The following TVP23A variants were observed in gnomAD, a reference collection of about 807,000 sequenced individuals.
TVP23A encodes Golgi apparatus membrane protein TVP23 homolog A.
In TVP23A, 21 loss-of-function variants were observed where a neutral mutation model predicts 31.7. The ratio of observed to expected loss-of-function variants is 0.66; its 90% CI spans 0.47 to 0.95. TVP23A has a LOEUF of 0.95. Among genes scored for constraint, TVP23A ranks in the 40% least tolerant of loss-of-function variants. The pLI is 0.00. For missense variants in TVP23A, 279 were observed against 255.6 expected (o/e 1.09, Z -0.62); for synonymous variants, 104 against 96.0 (o/e 1.08, Z -0.49).
At chr16:10,764,963 G>A, downstream of TVP23A, 1 of 175,536 alleles carries the variant, frequency 5.7e-6, no homozygotes, top group Non-Finnish European at 1.2e-5. Flanking sequence ...GCTGGGCACA[G>A]CCACCAGGGC....
At chr16:10,799,534 ATGT>A (rs2033588758) in intron 2 of TVP23A, among the ~76,000 whole-genome samples, 1 of 152,198 alleles carries the variant, frequency 6.6e-6, no homozygotes, top group African/African-American at 2.4e-5. Context: ...GGGTTTGGCC[ATGT>A]TGGTCAGGCT....
intron 2 of TVP23A, among the ~76,000 whole-genome samples, chr16:10,778,318 A>G (rs116530047): frequency 0.11 from 10,833 of 96,440 alleles, 886 homozygotes; most frequent in African/African-American, 0.29. Flanking sequence ...TGGGCAACAG[A>G]GCAAATCGCT....
intron 5 of TVP23A, among the ~76,000 whole-genome samples, chr16:10,773,063 G>A (rs530617688): frequency 3.3e-5 from 5 of 152,130 alleles, no homozygotes; most frequent in Middle Eastern, 6.8e-3. Flanking sequence ...GGCTGGTCTC[G>A]AACTCCTGAG....
chr16:10,787,973 A>G (rs964339034), intron 2 of TVP23A, among the ~76,000 whole-genome samples: 1 of 152,190 alleles, frequency 6.6e-6, no homozygotes, highest in African/African-American at 2.4e-5. Flanking sequence ...ATTAATCCTG[A>G]GCCAAATATG....
chr16:10,780,663 C>A (rs1008409647), intron 2 of TVP23A, among the ~76,000 whole-genome samples: 3 of 152,128 alleles, frequency 2.0e-5, no homozygotes, highest in Non-Finnish European at 2.9e-5. Flanking sequence ...GTGATCCCTC[C>A]ATCTCCTCTT....
intron 5 of TVP23A, among the ~76,000 whole-genome samples, chr16:10,772,432 C>T (rs1376742233): frequency 6.6e-6 from 1 of 152,220 alleles, no homozygotes; most frequent in Admixed American, 6.5e-5. Context: ...TGCTGTGGCA[C>T]GATCTTGGCT....
In TVP23A at chr16:10,818,049, T is replaced by C. The variant is rs565380260; in HGVS notation, c.89+54A>G. On this transcript the variant is annotated intron_variant, in intron 2 of 7. Transcript: ENST00000299866. This position sits in a 1 kb window ranked among gnomAD's most constrained non-coding sequence, Gnocchi z 4.7. The stretch of plus-strand genomic sequence containing the variant: ...TATTTTGAATGAATGAGTGAGTAAA[T>C]GAATGAATTTGCAGCTTTGGGGAAC... 7.0e-7 allele frequency: 1 copy of C among 1,434,332 alleles called. No homozygotes were observed. Among genetic ancestry groups the C allele is most frequent in the South Asian group, 1.2e-5 (1 of 82,270 alleles). 88.9% of individuals were successfully genotyped at this position (1,434,332 alleles called of 1,614,324 possible).
Position 10,818,043 on chromosome 16 carries a change from A to G in TVP23A, c.89+60T>C. 8.0e-6 allele frequency: 11 copies of G among 1,375,026 alleles called. No homozygotes were observed. The highest frequency in any genetic ancestry group is 1.1e-5 in the Non-Finnish European group (11 of 981,892). The allele number at this position is 1,375,026 out of a possible 1,614,324, so 85.2% of individuals were successfully genotyped here. A position where few individuals can be genotyped will look rare whatever the true frequency, so the allele number is the denominator to read the frequency against. The stretch of plus-strand genomic sequence containing the variant: ...TCAATATATTTTGAATGAATGAGTG[A>G]GTAAATGAATGAATTTGCAGCTTTG... On this transcript the variant is annotated intron_variant, in intron 2 of 7. Transcript: ENST00000299866. The surrounding 1 kb of genome is among the most constrained non-coding windows in gnomAD (Gnocchi z 4.7).
At chr16:10,757,798 TAA>T, downstream of TVP23A, 3 of 1,222,016 alleles carry the variant, frequency 2.5e-6, no homozygotes, top group Non-Finnish European at 1.1e-6. This position sits in a 1 kb window ranked among gnomAD's most constrained non-coding sequence, Gnocchi z 4.1. Context: ...CCCCATCCTT[TAA>T]AAAAAAAAGA....
At chr16:10,766,028 GA>G, downstream of TVP23A, 1 of 152,470 alleles carries the variant, frequency 6.6e-6, no homozygotes, top group Non-Finnish European at 1.5e-5. The surrounding 1 kb of genome is among the most constrained non-coding windows in gnomAD (Gnocchi z 4.8). Context: ...CAGAGTGGGG[GA>G]AAACCCACCT....
chr16:10,814,536 T>C (rs12708712), intron 2 of TVP23A, among the ~76,000 whole-genome samples: 152,175 of 152,184 alleles, frequency 1, 76,083 homozygotes, highest in Middle Eastern at 1. Flanking sequence ...CCCTTTCCTC[T>C]GTCATCCCTG....
At chr16:10,786,508 T>C (rs537141096) in intron 2 of TVP23A, among the ~76,000 whole-genome samples, 21 of 152,300 alleles carry the variant, frequency 1.4e-4, no homozygotes, top group African/African-American at 5.1e-4. Context: ...GAATTCCTCA[T>C]GAAACATCAC....
chr16:10,761,385 C>T (rs368752350), exon 9 of TVP23A: 18 of 1,613,900 alleles, frequency 1.1e-5, no homozygotes, highest in African/African-American at 4.0e-5. Flanking sequence ...CCAGGATGTC[C>T]GGAAAGAAAT....
rs187598227 is a variant in TVP23A, at chr16:10,771,530, G to A, written c.582+140C>T. On this transcript the variant is annotated intron_variant, in intron 6 of 7. Transcript: ENST00000299866. The stretch of plus-strand genomic sequence containing the variant: ...AGCCTGGGTGACAGAGCGAGATCCT[G>A]TCTCCCAAAAAATATATAAACAATA... The A allele has an allele frequency of 9.1e-5, 104 of 1,146,978 alleles. No individual in the cohort carries two copies. In the East Asian group the frequency reaches 2.7e-3, roughly 29 times the overall value. 71.1% of individuals were successfully genotyped at this position (1,146,978 alleles called of 1,614,324 possible). A position where few individuals can be genotyped will look rare whatever the true frequency, so the allele number is the denominator to read the frequency against.
At chr16:10,789,517 T>A (rs753277609) in intron 2 of TVP23A, among the ~76,000 whole-genome samples, 3 of 151,844 alleles carry the variant, frequency 2.0e-5, no homozygotes, top group African/African-American at 4.8e-5. Context: ...ATATGAGACA[T>A]CAATCAAATA....
At chr16:10,771,541 A>G in intron 6 of TVP23A, 129 bp downstream of exon 6, 9 of 1,272,760 alleles carry the variant, frequency 7.1e-6, no homozygotes, top group Non-Finnish European at 9.7e-6. Context: ...TCTCCCAAAA[A>G]ATATATAAAC....
intron 2 of TVP23A, among the ~76,000 whole-genome samples, chr16:10,798,812 C>A (rs1305223293): frequency 6.6e-6 from 1 of 152,074 alleles, no homozygotes; most frequent in East Asian, 1.9e-4. Context: ...TACAGGCACA[C>A]ACCACCACAC....
chr16:10,776,181 C>A (rs888792290), intron 2 of TVP23A, among the ~76,000 whole-genome samples: 1 of 151,514 alleles, frequency 6.6e-6, no homozygotes, highest in Non-Finnish European at 1.5e-5. Context: ...TCAAGACCAG[C>A]CTGGCCAACA....
intron 2 of TVP23A, among the ~76,000 whole-genome samples, chr16:10,799,090 G>A (rs1235280466): frequency 1.3e-5 from 2 of 152,188 alleles, no homozygotes; most frequent in Non-Finnish European, 2.9e-5. Context: ...AACAGCCATG[G>A]GAGGACGCCA....
Sources: gnomAD v4.1 joint callset for allele counts (sites outside exome capture counted in the v4.1 genomes callset) on GRCh38, gnomAD v4.1.1 for gene constraint, Gnocchi (gnomAD v3.1) non-coding constraint, MANE v1.5 for transcripts, NCBI Gene and HGNC (gene_info 2026-07-23, HGNC 2026-07-21) for gene names.